The following PCDHGA1 variants were observed in gnomAD, a reference collection of about 807,000 sequenced individuals.
The protein encoded by PCDHGA1 is protocadherin gamma subfamily A, 1, also known as protocadherin gamma-A1.
PCDHGA1 carries 32 observed loss-of-function variants against 58.0 expected under a neutral mutation model. The ratio of observed to expected loss-of-function variants is 0.55; its 90% CI spans 0.42 to 0.74. The LOEUF is 0.74. Ranked by LOEUF, PCDHGA1 falls within the 30% of genes least tolerant of loss-of-function variation. PCDHGA1 has a pLI of 0.00. For missense variants in PCDHGA1, 1,205 were observed against 1,182.3 expected (o/e 1.02, Z -0.28); for synonymous variants, 498 against 501.1 (o/e 0.99, Z 0.08).
At chr5:141,351,946 G>T (rs753094111) in intron 1 of PCDHGA1, 3 of 1,613,116 alleles carry the variant, frequency 1.9e-6, no homozygotes, top group Admixed American at 3.3e-5. Context: ...TGTACCCCGC[G>T]CTGGGGCCTG....
At chr5:141,423,360 G>A (rs762976655) in intron 1 of PCDHGA1, 1 of 1,614,224 alleles carries the variant, frequency 6.2e-7, no homozygotes, top group Non-Finnish European at 8.5e-7. Context: ...TTGTCATCGT[G>A]CTGCTGGCAC....
rs569650508 is a variant in PCDHGA1 at position 141,331,788 on chromosome 5, T to C, written c.1104T>C (p.Leu368=). ...TTCCTCCTGGGACCATAATTGCTCT[T>C]ATCAGTGTGCATGACCAGGACTCAG... The part of the protein sequence containing the change: ...ENFPPGTIIA[L]ISVHDQDSGD... The change falls in exon 1 of 4, where the codon CTT becomes CTC. Residue 368 remains leucine (L), a synonymous_variant. Coordinates refer to ENST00000517417, the MANE Select transcript of PCDHGA1 (RefSeq NM_018912.3). The C allele has an allele frequency of 3.7e-6, 6 of 1,614,188 alleles. No homozygotes were observed. The Admixed American group carries it at 5.0e-5, about 13-fold the overall frequency.
At chr5:141,428,204 C>T (rs756271858) in intron 1 of PCDHGA1, 23 of 1,324,604 alleles carry the variant, frequency 1.7e-5, no homozygotes, top group Admixed American at 5.5e-5. Flanking sequence ...TGCGCCGCTA[C>T]GCTTCACCTA....
chr5:141,508,737 C>A (rs919094477), intron 3 of PCDHGA1, among the ~76,000 whole-genome samples: 8 of 152,010 alleles, frequency 5.3e-5, no homozygotes, highest in Non-Finnish European at 1.2e-4. Flanking sequence ...CTACACCCCC[C>A]ACCCCGCTCT....
At chr5:141,374,927 G>A (rs754203986) in intron 1 of PCDHGA1, 1 of 1,613,960 alleles carries the variant, frequency 6.2e-7, no homozygotes, top group Non-Finnish European at 8.5e-7. Flanking sequence ...TTATTCCTTT[G>A]TGAAGATTAC....
In PCDHGA1 at chr5:141,431,187, G is replaced by C. The variant is rs748150837; in HGVS notation, c.2422-63620G>C. On this transcript the variant is annotated intron_variant, in intron 1 of 3. Transcript: ENST00000517417. This position sits in a 1 kb window ranked among gnomAD's most constrained non-coding sequence, Gnocchi z 4.8. ...GAAAGTGAATTAGAAATAAAAATTAGTGAAAATGCAGCCACTGAGATGCGG... is the reference window on the plus strand; with the variant it reads ...GAAAGTGAATTAGAAATAAAAATTACTGAAAATGCAGCCACTGAGATGCGG... 4.3e-6 allele frequency: 7 copies of C among 1,614,102 alleles called. No homozygotes were observed. The Admixed American group carries it at 1.2e-4, about 27-fold the overall frequency.
rs763840734 is a variant in PCDHGA1, at chr5:141,428,113, T to C, written c.2422-66694T>C. The stretch of plus-strand genomic sequence containing the variant: ...CTGTCCTACCACGTGCTGCAGGCCA[T>C]CGAGCCCGGGCTTTTCAGCCTGGGG... On this transcript the variant is annotated intron_variant, in intron 1 of 3. Transcript: ENST00000517417. 1.0e-5 allele frequency: 16 copies of C among 1,607,374 alleles called. No homozygotes were observed. In the African/African-American group the frequency reaches 1.9e-4, roughly 19 times the overall value.
chr5:141,430,404 A>C (rs1054341813), intron 1 of PCDHGA1, among the ~76,000 whole-genome samples: 1 of 152,000 alleles, frequency 6.6e-6, no homozygotes, highest in African/African-American at 2.4e-5. Context: ...AAAGCTCACT[A>C]AAGTTTCTAT....
At chr5:141,444,783 C>A (rs551686741) in intron 1 of PCDHGA1, among the ~76,000 whole-genome samples, 2 of 152,100 alleles carry the variant, frequency 1.3e-5, no homozygotes, top group Non-Finnish European at 2.9e-5. Context: ...GATCATGTTT[C>A]ATTTGTCTAT....
At chr5:141,443,166 C>G (rs914863821) in intron 1 of PCDHGA1, among the ~76,000 whole-genome samples, 1 of 152,124 alleles carries the variant, frequency 6.6e-6, no homozygotes, top group African/African-American at 2.4e-5. Flanking sequence ...ATTTCCCTAC[C>G]CATGTCCACT....
At chr5:141,374,701 C>G (rs781441820) in intron 1 of PCDHGA1, 1 of 1,608,844 alleles carries the variant, frequency 6.2e-7, no homozygotes, top group Non-Finnish European at 8.5e-7. Flanking sequence ...AAGGAGAAGC[C>G]GTTTACCGCC....
At chr5:141,384,593 C>A (rs1449911634) in intron 1 of PCDHGA1, 3 of 1,614,252 alleles carry the variant, frequency 1.9e-6, no homozygotes, top group South Asian at 1.1e-5. Context: ...ATCCTGTACC[C>A]GGCCCTCCCC....
At chr5:141,338,653 C>G in intron 1 of PCDHGA1, 1 of 250,928 alleles carries the variant, frequency 4.0e-6, no homozygotes, top group African/African-American at 2.2e-5. Context: ...TCAACAAAGG[C>G]AAACAAACAA....
rs367905789 is a variant in PCDHGA1 at position 141,487,335 on chromosome 5, G to A, written c.2422-7472G>A. 11 of 1,614,064 alleles carry A rather than the reference G, an allele frequency of 6.8e-6. No individual in the cohort carries two copies. The highest frequency in any genetic ancestry group is 8.5e-6 in the Non-Finnish European group (10 of 1,180,044). Reference sequence around the variant, plus strand: ...TCTAAGTGTCTTCGTGGGGCAGCCTGTGGAGTCACATGCTTTCCTGCTGGC... The same window carrying A: ...TCTAAGTGTCTTCGTGGGGCAGCCTATGGAGTCACATGCTTTCCTGCTGGC... On this transcript the variant is annotated intron_variant, in intron 1 of 3. Transcript: ENST00000517417. This position sits in a 1 kb window ranked among gnomAD's most constrained non-coding sequence, Gnocchi z 5.0.
chr5:141,347,137 C>CTTTCTTTCTTTCTTTCTTTCTTTCTT (rs1554073405), intron 1 of PCDHGA1, among the ~76,000 whole-genome samples: 3 of 113,834 alleles, frequency 2.6e-5, no homozygotes, highest in African/African-American at 7.7e-5. Context: ...CTCTGTTTCT[C>CTTTCTTTCTTTCTTTCTTTCTTTCTT]TCTTTCTTTC....
intron 1 of PCDHGA1, chr5:141,422,129 A>T: frequency 6.3e-7 from 1 of 1,599,702 alleles, no homozygotes; most frequent in East Asian, 2.2e-5. Flanking sequence ...CAAACTGGAG[A>T]AGTTCAAGTA....
chr5:141,395,209 A>G, intron 1 of PCDHGA1: 1 of 1,613,372 alleles, frequency 6.2e-7, no homozygotes, highest in Non-Finnish European at 8.5e-7. Flanking sequence ...GATTTTCATG[A>G]ATATAAGAAT....
At position 141,331,057 on chromosome 5, in the gene PCDHGA1, G is replaced by T. The variant is rs769105208; in HGVS notation, c.373G>T (p.Asp125Tyr). The change falls in exon 1 of 4, where the codon GAT becomes TAT. Residue 125 changes from aspartate to tyrosine, a missense_variant. Asp to Tyr is a radical substitution (Grantham distance 160). Coordinates refer to ENST00000517417, the MANE Select transcript of PCDHGA1 (RefSeq NM_018912.3). Reference protein sequence around the residue: ...KLFPVEVEIIDINDNTPQFQL... With the variant: ...KLFPVEVEIIYINDNTPQFQL... ...TTTTCCTGTTGAAGTAGAAATAATTGATATTAATGACAACACTCCCCAATT... is the reference window on the plus strand; with the variant it reads ...TTTTCCTGTTGAAGTAGAAATAATTTATATTAATGACAACACTCCCCAATT... 1 of 1,609,676 alleles carries T rather than the reference G, an allele frequency of 6.2e-7. No homozygotes were observed. Among genetic ancestry groups the T allele is most frequent in the Admixed American group, 1.7e-5 (1 of 59,836 alleles).
At chr5:141,474,212 C>T (rs892802269) in intron 1 of PCDHGA1, among the ~76,000 whole-genome samples, 5 of 152,078 alleles carry the variant, frequency 3.3e-5, no homozygotes, top group African/African-American at 1.2e-4. Flanking sequence ...TTTCAAAAAC[C>T]AGATTGTGAA....
Sources: gnomAD v4.1 joint callset for allele counts (sites outside exome capture counted in the v4.1 genomes callset) on GRCh38, gnomAD v4.1.1 for gene constraint, Gnocchi (gnomAD v3.1) non-coding constraint, MANE v1.5 for transcripts, NCBI Gene and HGNC (gene_info 2026-07-23, HGNC 2026-07-21) for gene names.